Variants in DEAF1 observed in about 807,000 individuals in gnomAD.
DEAF1 encodes DEAF1 transcription factor.
DEAF1 carries 53 observed loss-of-function variants against 58.9 expected under a neutral mutation model. That is an observed-to-expected ratio of 0.90 (90% CI 0.72 to 1.13). The LOEUF (loss-of-function observed/expected upper bound fraction) is 1.13. Ranked by LOEUF, DEAF1 falls within the 50% of genes most tolerant of loss-of-function variation. The pLI is 0.00. For missense variants in DEAF1, 685 were observed against 791.4 expected (o/e 0.87, Z 1.61); for synonymous variants, 385 against 340.4 (o/e 1.13, Z -1.44).
rs72358931 is a variant in DEAF1 at position 665,274 on chromosome 11, TCTAA to T, written c.1503+9258_1503+9261del. Among the ~76,000 whole-genome samples the T allele has an allele frequency of 3.5e-3, 507 of 144,756 alleles. 5 individuals carry two copies. The highest frequency in any genetic ancestry group is 0.012 in the African/African-American group (466 of 38,288). The allele number at this position is 144,756 out of a possible 152,430, so 95.0% of individuals were successfully genotyped here. On this transcript the variant is annotated intron_variant, in intron 10 of 11. Coordinates refer to ENST00000382409, the MANE Select transcript of DEAF1 (RefSeq NM_021008.4). Reference sequence around the variant, plus strand: ...AGGACAGGGTGTCACACTCGGTCACTCTAACTAAGTCCTGGCTCAGCTATTCACA... The same window carrying T: ...AGGACAGGGTGTCACACTCGGTCACTCTAAGTCCTGGCTCAGCTATTCACA...
chr11:679,782 C>G lies in DEAF1; in HGVS notation c.1032G>C (p.Ser344=). Residue 344 remains serine, a synonymous_variant, in exon 8 of 12, where the codon TCG becomes TCC. Coordinates refer to ENST00000382409, the MANE Select transcript of DEAF1 (RefSeq NM_021008.4). The part of the protein sequence containing the change: ...TVTPSGQITT[S]GALTFDRAST... The stretch of plus-strand genomic sequence containing the variant: ...ACGCTCGGTCAAAGGTCAGTGCCCC[C>G]GAGGTCGTGATCTGTCCCGAGGGGG... The G allele has an allele frequency of 6.2e-7, 1 of 1,613,870 alleles. No homozygotes were observed. The highest frequency in any genetic ancestry group is 8.5e-7 in the Non-Finnish European group (1 of 1,180,050).
Position 645,669 on chromosome 11 carries a change from T to G in DEAF1, c.1594-1015A>C, listed in dbSNP as rs563026874. Reference sequence around the variant, plus strand: ...GAAAAAGCAAACTGGAACCAGCCCGTGGCTGCAGAGAAAGGAGGTGGGGGA... The same window carrying G: ...GAAAAAGCAAACTGGAACCAGCCCGGGGCTGCAGAGAAAGGAGGTGGGGGA... On this transcript the variant is annotated intron_variant, in intron 11 of 11. Transcript: ENST00000382409. Among the ~76,000 whole-genome samples the G allele has an allele frequency of 2.0e-5, 3 of 152,238 alleles. No individual in the cohort carries two copies. The East Asian group carries it at 5.8e-4, about 29-fold the overall frequency.
chr11:669,947 A>G (rs1042136487), intron 10 of DEAF1, among the ~76,000 whole-genome samples: 2 of 148,498 alleles, frequency 1.3e-5, no homozygotes, highest in African/African-American at 2.4e-5. Flanking sequence ...AAAAAAAAAA[A>G]AAAAAGAAAC....
chr11:657,202 C>T lies in DEAF1; in HGVS notation c.1504-3151G>A, dbSNP rs189406908. 1.5e-3 allele frequency among the ~76,000 whole-genome samples: 229 copies of T among 152,248 alleles called. 1 individual carries two copies. Among genetic ancestry groups the T allele is most frequent in the Middle Eastern group, 3.4e-3 (1 of 294 alleles). On this transcript the variant is annotated intron_variant, in intron 10 of 11. Transcript: ENST00000382409. ...CCCTGCCTGGCACCCAGGCCTCACT[C>T]TCTTAAGACTTGCCAATAAAAGGAC...
intron 11 of DEAF1, among the ~76,000 whole-genome samples, chr11:653,253 T>G (rs527589534): frequency 1.3e-3 from 195 of 146,652 alleles, no homozygotes; most frequent in Non-Finnish European, 2.0e-3. Flanking sequence ...ACGCTGTCTC[T>G]CGCGTGGCTC....
intron 11 of DEAF1, among the ~76,000 whole-genome samples, chr11:650,453 T>C (rs1203305432): frequency 6.7e-6 from 1 of 149,936 alleles, no homozygotes; most frequent in Non-Finnish European, 1.5e-5. Flanking sequence ...ATTCTGTCTC[T>C]AAGGGAATGC....
intron 8 of DEAF1, among the ~76,000 whole-genome samples, chr11:679,442 A>T (rs959752527): frequency 6.6e-6 from 1 of 152,208 alleles, no homozygotes; most frequent in Non-Finnish European, 1.5e-5. Context: ...GCCGGCAGAC[A>T]GAGAGTATTT....
Position 668,890 on chromosome 11 carries a change from A to G in DEAF1, c.1503+5646T>C, listed in dbSNP as rs536321127. ...GCCCAGGCTGGACTGCAGTGGTGCA[A>G]TCTCGGCTCACTGCAAGCTCTGCCT... On this transcript the variant is annotated intron_variant, in intron 10 of 11. Coordinates refer to ENST00000382409, the MANE Select transcript of DEAF1 (RefSeq NM_021008.4). Among the ~76,000 whole-genome samples, 11 of 152,190 alleles carry G rather than the reference A, an allele frequency of 7.2e-5. No individual in the cohort carries two copies. The East Asian group carries it at 1.9e-3, about 27-fold the overall frequency.
intron 11 of DEAF1, among the ~76,000 whole-genome samples, chr11:645,056 G>A (rs547272066): frequency 4.2e-4 from 63 of 151,684 alleles, no homozygotes; most frequent in African/African-American, 1.4e-3. Context: ...CCAGCTACTC[G>A]GGAAGCTGAG....
intron 6 of DEAF1, among the ~76,000 whole-genome samples, chr11:681,449 T>C (rs868345240): frequency 2.0e-5 from 3 of 149,452 alleles, no homozygotes; most frequent in South Asian, 2.1e-4. Context: ...CTCGCTCTGT[T>C]GCCCAGGCTG....
chr11:660,888 T>TAA (rs59737657), intron 10 of DEAF1, among the ~76,000 whole-genome samples: 33,971 of 151,950 alleles, frequency 0.22, 5,886 homozygotes, highest in African/African-American at 0.49. Flanking sequence ...CCCGCGGCCT[T>TAA]ACGGTGTTGG....
At chr11:689,995 G>A (rs572332801) in intron 2 of DEAF1, among the ~76,000 whole-genome samples, 1 of 151,592 alleles carries the variant, frequency 6.6e-6, no homozygotes, top group Non-Finnish European at 1.5e-5. Context: ...CGTGGCCATG[G>A]GTCAGCTTGT....
chr11:689,487 A>ACCGCACCGCGGTG (rs1860741924), intron 2 of DEAF1, among the ~76,000 whole-genome samples: 1 of 152,022 alleles, frequency 6.6e-6, no homozygotes, highest in African/African-American at 2.4e-5. Flanking sequence ...CTGGGATTAC[A>ACCGCACCGCGGTG]GGCAGGAGCC....
chr11:647,650 A>G (rs958269608), intron 11 of DEAF1, among the ~76,000 whole-genome samples: 7 of 152,186 alleles, frequency 4.6e-5, no homozygotes, highest in Non-Finnish European at 7.3e-5. Flanking sequence ...AGAGAGGGGG[A>G]CAAGCCAGGA....
At chr11:666,761 C>A (rs1564933916) in intron 10 of DEAF1, among the ~76,000 whole-genome samples, 1 of 151,278 alleles carries the variant, frequency 6.6e-6, no homozygotes, top group African/African-American at 2.4e-5. Context: ...CACTTGTAGT[C>A]CCATCTACTT....
At chr11:700,053 A>G, upstream of DEAF1, 1 of 1,062,056 alleles carries the variant, frequency 9.4e-7, no homozygotes, top group South Asian at 1.4e-5. Flanking sequence ...TGGCCACCAA[A>G]CAGATGACAG....
At chr11:691,457 C>A in intron 2 of DEAF1, 44 bp downstream of exon 2, 1 of 1,575,908 alleles carries the variant, frequency 6.3e-7, no homozygotes. Context: ...AGGCCCCCAG[C>A]GTGGCACCAC....
rs2133394889 is a variant in DEAF1 at position 684,895 on chromosome 11, T to TA, written c.870+2dup. On this transcript the variant is annotated splice_region_variant and intron_variant, in intron 6 of 11. Coordinates refer to ENST00000382409, the MANE Select transcript of DEAF1 (RefSeq NM_021008.4). ...TCCTGTTCCAGACACGCTGGCCACT[T>TA]ACTAAGGTCATGTCGTCGCAGCAGG... 6.4e-7 allele frequency: 1 copy of TA among 1,551,426 alleles called. No homozygotes were observed. Among genetic ancestry groups the TA allele is most frequent in the Non-Finnish European group, 8.7e-7 (1 of 1,146,914 alleles).
chr11:704,922 C>T (rs76837702), intron 1 of DEAF1: 27,379 of 348,538 alleles, frequency 0.079, 1,531 homozygotes, highest in East Asian at 0.2. Flanking sequence ...ACGGGTGCAC[C>T]GAGGGGTTGG....
Sources: gnomAD v4.1 joint callset for allele counts (sites outside exome capture counted in the v4.1 genomes callset) on GRCh38, gnomAD v4.1.1 for gene constraint, MANE v1.5 for transcripts, NCBI Gene and HGNC (gene_info 2026-07-23, HGNC 2026-07-21) for gene names.